TMEM184A: variants seen among roughly 807,000 people sequenced by gnomAD.
The protein encoded by TMEM184A is sexually dimorphic, expressed in male gonads 1.
Under a neutral mutation model 39.5 loss-of-function variants are expected in TMEM184A, and 40 were observed. The observed-to-expected ratio is 1.01, with a 90% CI of 0.79 to 1.32. TMEM184A has a LOEUF of 1.32. TMEM184A is among the 40% of genes most tolerant of loss of function. The pLI is 0.00. For synonymous variants in TMEM184A, 280 were observed against 252.3 expected, an observed-to-expected ratio of 1.11 and a Z score of -1.04; for missense variants, 603 against 568.8, an observed-to-expected ratio of 1.06 and a Z score of -0.61.
At position 1,544,576 on chromosome 7, in the gene TMEM184A, C is replaced by T. The variant is rs1244293494; in HGVS notation, c.*2376G>A. Reference sequence around the variant, plus strand: ...GCTCACATGCGCCCACGCTCCCCCTCGAGGCAGGTTGAGCCCCGGCCTGGA... The same window carrying T: ...GCTCACATGCGCCCACGCTCCCCCTTGAGGCAGGTTGAGCCCCGGCCTGGA... On this transcript the variant is annotated 3_prime_UTR_variant, in exon 9 of 9. Coordinates refer to ENST00000297477, the MANE Select transcript of TMEM184A (RefSeq NM_001097620.2). 1.3e-5 allele frequency: 2 copies of T among 152,400 alleles called. No individual in the cohort carries two copies. The highest frequency in any genetic ancestry group is 2.9e-5 in the Non-Finnish European group (2 of 68,114). 9.4% of individuals were successfully genotyped at this position (152,400 alleles called of 1,614,324 possible).
Position 1,543,100 on chromosome 7 carries a change from A to ACC in TMEM184A, c.*3850_*3851dup, listed in dbSNP as rs5881900. The ACC allele has an allele frequency of 0.052, 7,356 of 141,768 alleles. 217 individuals are homozygous for ACC. Among genetic ancestry groups the ACC allele is most frequent in the Admixed American group, 0.13 (1,781 of 14,068 alleles). 8.8% of individuals were successfully genotyped at this position (141,768 alleles called of 1,614,324 possible). On this transcript the variant is annotated 3_prime_UTR_variant, in exon 9 of 9. Coordinates refer to ENST00000297477, the MANE Select transcript of TMEM184A (RefSeq NM_001097620.2). The stretch of plus-strand genomic sequence containing the variant: ...GGGGCTTTCTTGGGCCAAGAACCAC[A>ACC]CCCCCCCCCCAATCCCAGGGGACCC...
rs994174269 is a variant in TMEM184A at position 1,549,807 on chromosome 7, A to G, written c.644+47T>C. 10 of 1,521,162 alleles carry G rather than the reference A, an allele frequency of 6.6e-6. No individual in the cohort carries two copies. The African/African-American group carries it at 1.4e-4, about 21-fold the overall frequency. 94.2% of individuals were successfully genotyped at this position (1,521,162 alleles called of 1,614,324 possible). A position where few individuals can be genotyped will look rare whatever the true frequency, so the allele number is the denominator to read the frequency against. On this transcript the variant is annotated intron_variant, in intron 6 of 8. Transcript: ENST00000297477. ...GGGCCCCACTCCCGGGCCCCGGGGG[A>G]CCCAGTGCCCACCTCATGCCAGGTG...
At chr7:1,552,463 A>G (rs1009988031) in intron 2 of TMEM184A, among the ~76,000 whole-genome samples, 1 of 151,432 alleles carries the variant, frequency 6.6e-6, no homozygotes, top group Non-Finnish European at 1.5e-5. Context: ...ATTTTCAAGC[A>G]TAGAATACAT....
Position 1,548,699 on chromosome 7 carries a change from C to T in TMEM184A, c.645-11G>A, listed in dbSNP as rs371984185. 1.7e-5 allele frequency: 27 copies of T among 1,611,030 alleles called. No homozygotes were observed. The highest frequency in any genetic ancestry group is 4.0e-5 in the African/African-American group (3 of 74,870). The stretch of plus-strand genomic sequence containing the variant: ...TAGCCGCTGCGGACACTAGGACAGA[C>T]GGGGGCTGTGGTCAGGGCGGTCCCA... On this transcript the variant is annotated splice_polypyrimidine_tract_variant and intron_variant, in intron 6 of 8. Coordinates refer to ENST00000297477, the MANE Select transcript of TMEM184A (RefSeq NM_001097620.2).
rs771939111 is a variant in TMEM184A at position 1,550,956 on chromosome 7, G to T, written c.246C>A (p.Thr82=). ...TGATGTAACGTTGCTCCTGTGGCAC[G>T]GTGTAGGAGCGCAGGTGCAGATAGA... is the stretch of plus-strand genomic sequence containing the variant. The part of the protein sequence containing the change: ...HQIYLHLRSY[T]VPQEQRYIIR... Residue 82 remains threonine (T), a synonymous_variant, in exon 3 of 9, where the codon ACC becomes ACA. Coordinates refer to ENST00000297477, the MANE Select transcript of TMEM184A (RefSeq NM_001097620.2). The T allele has an allele frequency of 1.2e-6, 2 of 1,613,372 alleles. No homozygotes were observed. The highest frequency in any genetic ancestry group is 2.2e-5 in the East Asian group (1 of 44,856).
At chr7:1,553,584 G>A (rs1375696238) in intron 2 of TMEM184A, among the ~76,000 whole-genome samples, 2 of 152,192 alleles carry the variant, frequency 1.3e-5, no homozygotes, top group South Asian at 4.1e-4. Flanking sequence ...CGTGGCGGTG[G>A]GCGAGCAGAG....
Position 1,547,892 on chromosome 7 carries a change from C to G in TMEM184A, c.862G>C (p.Glu288Gln). The stretch of plus-strand genomic sequence containing the variant: ...CCCAGCTTGTTCCCGCCGCTGGTCT[C>G]CACCTCCGGGATGACCCCGCACCGC... Reference protein sequence around the residue: ...LERCGVIPEVETSGGNKLGAG... With the variant: ...LERCGVIPEVQTSGGNKLGAG... The change falls in exon 8 of 9, where the codon GAG becomes CAG. Residue 288 changes from glutamate (E) to glutamine (Q), a missense_variant. By Grantham distance (29) the Glu-to-Gln change is conservative. Transcript: ENST00000297477. 6.3e-7 allele frequency: 1 copy of G among 1,595,694 alleles called. No homozygotes were observed. The highest frequency in any genetic ancestry group is 8.5e-7 in the Non-Finnish European group (1 of 1,171,808).
chr7:1,547,229 C>A, intron 8 of TMEM184A, 48 bp from the exon 9 acceptor site: 2 of 1,164,184 alleles, frequency 1.7e-6, no homozygotes, highest in Middle Eastern at 2.8e-4. Flanking sequence ...TGCACTCCAG[C>A]TCCCCGGACA....
intron 2 of TMEM184A, among the ~76,000 whole-genome samples, chr7:1,551,718 T>C (rs1013795355): frequency 1.3e-5 from 2 of 151,842 alleles, no homozygotes; most frequent in East Asian, 2.0e-4. Flanking sequence ...GGGTGGATCA[T>C]TTGAGGTCAG....
In TMEM184A at chr7:1,555,647, T is replaced by G; in HGVS notation, c.1-163A>C. On this transcript the variant is annotated intron_variant, in intron 1 of 8. Coordinates refer to ENST00000297477, the MANE Select transcript of TMEM184A (RefSeq NM_001097620.2). This position sits in a 1 kb window ranked among gnomAD's most constrained non-coding sequence, Gnocchi z 5.2. ...CACGGACACCAGCGCCAGGCCCGGCTCCCTCCCTGCTCCGAGCTCAGCCAT... is the reference window on the plus strand; with the variant it reads ...CACGGACACCAGCGCCAGGCCCGGCGCCCTCCCTGCTCCGAGCTCAGCCAT... 1.5e-6 allele frequency: 1 copy of G among 674,542 alleles called. No homozygotes were observed. The highest frequency in any genetic ancestry group is 2.6e-6 in the Non-Finnish European group (1 of 378,620). 41.8% of individuals were successfully genotyped at this position (674,542 alleles called of 1,614,324 possible).
chr7:1,554,958 G>C (rs1250867832), intron 2 of TMEM184A, among the ~76,000 whole-genome samples: 3 of 152,166 alleles, frequency 2.0e-5, no homozygotes, highest in Admixed American at 6.5e-5. Flanking sequence ...TGGTCTCTCT[G>C]AGACTCAGTC....
chr7:1,549,251 C>T (rs1351908080), intron 6 of TMEM184A: 12 of 389,746 alleles, frequency 3.1e-5, no homozygotes, highest in East Asian at 8.3e-5. Flanking sequence ...GTGATGTGTG[C>T]GCACAGGTGA....
chr7:1,547,237 A>G, intron 8 of TMEM184A, 56 bp from the exon 9 acceptor site: 4 of 1,011,348 alleles, frequency 4.0e-6, no homozygotes, highest in Non-Finnish European at 5.8e-6. Context: ...AGCTCCCCGG[A>G]CAAGTCCCCT....
chr7:1,547,414 T>C (rs1232424419), intron 8 of TMEM184A, among the ~76,000 whole-genome samples: 1 of 152,056 alleles, frequency 6.6e-6, no homozygotes, highest in Non-Finnish European at 1.5e-5. Flanking sequence ...TCCGAGGGGC[T>C]CCAAGCAGCG....
intron 6 of TMEM184A, 196 bp from the exon 7 acceptor site, chr7:1,548,884 G>A: frequency 1.4e-6 from 1 of 727,734 alleles, no homozygotes. Flanking sequence ...GTGGCTGGGG[G>A]GCCTATGCAG....
In TMEM184A at chr7:1,551,039, C is replaced by A; in HGVS notation, c.220-57G>T. On this transcript the variant is annotated intron_variant, in intron 2 of 8. Transcript: ENST00000297477. Reference sequence around the variant, plus strand: ...GCCCGCCTGGTACCCCTGGACCAGCCCAGGTGAGCCGGGAAGGAGGTGGGG... The same window carrying A: ...GCCCGCCTGGTACCCCTGGACCAGCACAGGTGAGCCGGGAAGGAGGTGGGG... The A allele has an allele frequency of 3.9e-6, 6 of 1,535,738 alleles. No individual in the cohort carries two copies. In the South Asian group the frequency reaches 7.1e-5, roughly 18 times the overall value.
rs1452013351 is a variant in TMEM184A at position 1,555,632 on chromosome 7, A to G, written c.1-148T>C. The G allele has an allele frequency of 1.4e-6, 1 of 691,264 alleles. No individual in the cohort carries two copies. Among genetic ancestry groups the G allele is most frequent in the Admixed American group, 2.3e-5 (1 of 42,636 alleles). 42.8% of individuals were successfully genotyped at this position (691,264 alleles called of 1,614,324 possible). ...AGGCCGCACCCCCCACACGGACACCAGCGCCAGGCCCGGCTCCCTCCCTGC... is the reference window on the plus strand; with the variant it reads ...AGGCCGCACCCCCCACACGGACACCGGCGCCAGGCCCGGCTCCCTCCCTGC... On this transcript the variant is annotated intron_variant, in intron 1 of 8. Transcript: ENST00000297477. This position sits in a 1 kb window ranked among gnomAD's most constrained non-coding sequence, Gnocchi z 5.2.
chr7:1,550,672 G>T (rs576625007), intron 3 of TMEM184A, 145 bp downstream of exon 3: 1 of 1,104,824 alleles, frequency 9.1e-7, no homozygotes, highest in African/African-American at 1.5e-5. Flanking sequence ...TGCCAGCGCC[G>T]CTAACCCTGA....
intron 2 of TMEM184A, among the ~76,000 whole-genome samples, chr7:1,554,522 C>G (rs1406925275): frequency 6.6e-6 from 1 of 152,194 alleles, no homozygotes; most frequent in African/African-American, 2.4e-5. Context: ...CACTCCCACC[C>G]CACCCCTGCG....
Sources: gnomAD v4.1 joint callset for allele counts (sites outside exome capture counted in the v4.1 genomes callset) on GRCh38, gnomAD v4.1.1 for gene constraint, Gnocchi (gnomAD v3.1) non-coding constraint, MANE v1.5 for transcripts, NCBI Gene and HGNC (gene_info 2026-07-23, HGNC 2026-07-21) for gene names.